NPM1: variants seen among roughly 807,000 people sequenced by gnomAD.
The protein encoded by NPM1 is nucleophosmin 1, also known as nucleophosmin.
In NPM1, 1 loss-of-function variant was observed where a neutral mutation model predicts 44.1. That is an observed-to-expected ratio of 0.02 (90% CI 0.01 to 0.11). NPM1 has a LOEUF of 0.11. Ranked by LOEUF, NPM1 falls within the 10% of genes least tolerant of loss-of-function variation. NPM1 has a pLI of 1.00. For synonymous variants in NPM1, 126 were observed against 111.8 expected (o/e 1.13, Z -0.80); for missense variants, 197 against 347.8 (o/e 0.57, Z 3.45).
In NPM1 at chr5:171,387,910, G is replaced by C; in HGVS notation, c.-39G>C. ...TCTGGAGCAGCGTTCTTTTATCTCC[G>C]TCCGCCTTCTCTCCTACCTAAGTGC... On this transcript the variant is annotated 5_prime_UTR_variant, in exon 1 of 11. Transcript: ENST00000296930. The C allele has an allele frequency of 1.9e-6, 3 of 1,595,562 alleles. No homozygotes were observed. The highest frequency in any genetic ancestry group is 2.7e-5 in the African/African-American group (2 of 74,618).
intron 6 of NPM1, among the ~76,000 whole-genome samples, chr5:171,397,601 TTTAC>T (rs77100128): frequency 0.4 from 60,976 of 151,592 alleles, 12,209 homozygotes; most frequent in East Asian, 0.54. Flanking sequence ...CTTAAATCCA[TTTAC>T]TTCTCTTTGT....
upstream of NPM1, chr5:171,387,571 G>T: frequency 3.9e-6 from 1 of 259,508 alleles, no homozygotes; most frequent in Non-Finnish European, 7.4e-6. Flanking sequence ...AAGGGTTGGA[G>T]GTGGGGAGTG....
chr5:171,403,780 G>A (rs1302296185), intron 8 of NPM1, among the ~76,000 whole-genome samples: 54 of 127,610 alleles, frequency 4.2e-4, no homozygotes, highest in African/African-American at 1.5e-3. Flanking sequence ...TGGCCGGGCA[G>A]AGGGGCTCCT....
chr5:171,397,560 C>T (rs1414469923), intron 6 of NPM1, among the ~76,000 whole-genome samples: 2 of 152,066 alleles, frequency 1.3e-5, no homozygotes, highest in Admixed American at 6.6e-5. Flanking sequence ...TATTCATTGG[C>T]CATATATCTT....
intron 6 of NPM1, among the ~76,000 whole-genome samples, chr5:171,399,419 T>A (rs949676092): frequency 1.3e-5 from 2 of 152,042 alleles, no homozygotes; most frequent in Admixed American, 1.3e-4. Flanking sequence ...TAATTAAAAA[T>A]TTTTTTTGTA....
At chr5:171,403,748 C>T (rs1217023510) in intron 8 of NPM1, among the ~76,000 whole-genome samples, 5 of 140,690 alleles carry the variant, frequency 3.6e-5, no homozygotes, top group African/African-American at 5.2e-5. Flanking sequence ...GACCCCCCCA[C>T]CTCCCTCCCG....
At chr5:171,389,865 CTT>C (rs892072180) in intron 1 of NPM1, among the ~76,000 whole-genome samples, 184 bp from the exon 2 acceptor site, 1 of 152,118 alleles carries the variant, frequency 6.6e-6, no homozygotes, top group African/African-American at 2.4e-5. Context: ...GAATTATAGT[CTT>C]TTATGGGTGT....
chr5:171,389,507 C>A (rs957540637), intron 1 of NPM1, among the ~76,000 whole-genome samples: 4 of 152,154 alleles, frequency 2.6e-5, no homozygotes, highest in Non-Finnish European at 5.9e-5. Flanking sequence ...CCCTCCTTGT[C>A]TTAAACATAA....
At chr5:171,389,366 A>G (rs918407111) in intron 1 of NPM1, among the ~76,000 whole-genome samples, 2 of 152,222 alleles carry the variant, frequency 1.3e-5, no homozygotes, top group African/African-American at 4.8e-5. Flanking sequence ...GTTTTGAAGA[A>G]TTTTGCCCAT....
At chr5:171,402,224 G>A (rs1048499553) in intron 8 of NPM1, among the ~76,000 whole-genome samples, 4 of 150,000 alleles carry the variant, frequency 2.7e-5, no homozygotes, top group African/African-American at 9.8e-5. Flanking sequence ...CTTTTCAAAA[G>A]ACATACAAGT....
intron 6 of NPM1, among the ~76,000 whole-genome samples, chr5:171,394,330 G>T (rs1038078712): frequency 2.0e-5 from 3 of 151,990 alleles, no homozygotes; most frequent in African/African-American, 7.2e-5. Flanking sequence ...GAACCACTGC[G>T]CCCAGCCAAA....
rs1771649187 is a variant in NPM1, at chr5:171,407,783, A to G, written c.846+9A>G. On this transcript the variant is annotated intron_variant, in intron 10 of 10. Coordinates refer to ENST00000296930, the MANE Select transcript of NPM1 (RefSeq NM_002520.7). ...GGATGACTGACCAAGAGGTAACTGG[A>G]TTTTCTGGGGACATGATTAAATCCA... 1.9e-6 allele frequency: 3 copies of G among 1,568,650 alleles called. No homozygotes were observed. The highest frequency in any genetic ancestry group is 1.7e-5 in the Admixed American group (1 of 59,084).
intron 10 of NPM1, among the ~76,000 whole-genome samples, chr5:171,408,497 T>G (rs75724570): frequency 2.6e-5 from 4 of 152,204 alleles, no homozygotes; most frequent in Non-Finnish European, 4.4e-5. Context: ...GCTGGTTTTT[T>G]TTCTGCCATA....
At chr5:171,388,792 A>C (rs1455188009) in intron 1 of NPM1, among the ~76,000 whole-genome samples, 1 of 152,134 alleles carries the variant, frequency 6.6e-6, no homozygotes, top group African/African-American at 2.4e-5. Context: ...TTTCTGTCTC[A>C]CTGCGGTAGG....
At chr5:171,392,586 C>CTTT (rs34475806) in intron 4 of NPM1, 124 bp from the exon 5 acceptor site, 299 of 450,752 alleles carry the variant, frequency 6.6e-4, no homozygotes, top group East Asian at 4.5e-3. Flanking sequence ...CCCATGTGCT[C>CTTT]TTTTTTTTTT....
Position 171,392,967 on chromosome 5 carries a change from T to G in NPM1, c.513T>G (p.Asp171Glu), listed in dbSNP as rs753126733. 1.1e-5 allele frequency: 18 copies of G among 1,609,524 alleles called. No homozygotes were observed. In the South Asian group the frequency reaches 1.3e-4, roughly 12 times the overall value. The change falls in exon 6 of 11, where the codon GAT becomes GAG. Residue 171 changes from aspartate (D) to glutamate (E), a missense_variant. Around this residue, in one of 5 missense-constraint regions of NPM1, gnomAD observed 91 missense variants for 94.0 expected, o/e 0.97. Coordinates refer to ENST00000296930, the MANE Select transcript of NPM1 (RefSeq NM_002520.7). ...ATGATGACGATGATGATGAAGAGGA[T>G]GATGATGAAGAGTAAGTATGATTTT... ...DEDDDDDDEEDDDEDDDDDDF... is the reference protein window; with the variant it reads ...DEDDDDDDEEEDDEDDDDDDF...
chr5:171,407,362 G>C (rs1771625545), intron 9 of NPM1: 1 of 278,104 alleles, frequency 3.6e-6, no homozygotes, highest in African/African-American at 2.3e-5. Context: ...GGTTGTATTT[G>C]GTTCTGGGTG....
chr5:171,399,682 A>AGT (rs1561870488), intron 6 of NPM1, among the ~76,000 whole-genome samples: 1 of 95,868 alleles, frequency 1.0e-5, no homozygotes, highest in Non-Finnish European at 2.2e-5. Flanking sequence ...TTAGGTCTTT[A>AGT]ATTTTTTTTT....
intron 10 of NPM1, among the ~76,000 whole-genome samples, chr5:171,408,798 G>C (rs1439820115): frequency 6.6e-6 from 1 of 152,134 alleles, no homozygotes; most frequent in Non-Finnish European, 1.5e-5. Flanking sequence ...ATAGTGGAAA[G>C]TCAGACATAA....
Sources: allele counts gnomAD v4.1 joint callset (sites outside exome capture counted in the v4.1 genomes callset), GRCh38; gene constraint gnomAD v4.1.1; regional missense constraint gnomAD v4.1.1; transcripts MANE v1.5; gene names NCBI Gene and HGNC (gene_info 2026-07-23, HGNC 2026-07-21).